PDE4D: variants seen among roughly 807,000 people sequenced by gnomAD.
PDE4D encodes phosphodiesterase 4D.
Under a neutral mutation model 87.4 loss-of-function variants are expected in PDE4D, and 24 were observed. The ratio of observed to expected loss-of-function variants is 0.27; its 90% confidence interval spans 0.20 to 0.39. PDE4D has a LOEUF of 0.39. PDE4D is among the 10% of genes least tolerant of loss of function. The pLI is 1.00. For synonymous variants in PDE4D, 384 were observed against 383.2 expected (o/e 1.00, Z -0.02); for missense variants, 714 against 1,041.0 (o/e 0.69, Z 4.32).
chr5:59,569,876 G>T (rs983205452), intron 1 of PDE4D, among the ~76,000 whole-genome samples: 3 of 152,182 alleles, frequency 2.0e-5, no homozygotes, highest in African/African-American at 7.2e-5. Context: ...AGGTCTGAAT[G>T]ATGCAGGGTC....
intron 1 of PDE4D, chr5:59,529,193 A>C: frequency 2.1e-6 from 1 of 486,154 alleles, no homozygotes; most frequent in Non-Finnish European, 4.1e-6. Flanking sequence ...ACTGACAGGG[A>C]TAGGAAAGAA....
intron 2 of PDE4D, among the ~76,000 whole-genome samples, chr5:59,199,538 A>C (rs1439491063): frequency 3.3e-5 from 5 of 152,210 alleles, no homozygotes; most frequent in Non-Finnish European, 7.3e-5. Flanking sequence ...TATATTTTAA[A>C]GTCCAAGATT....
intron 1 of PDE4D, among the ~76,000 whole-genome samples, chr5:59,393,159 C>A (rs1788580979): frequency 6.6e-6 from 1 of 151,888 alleles, no homozygotes; most frequent in Non-Finnish European, 1.5e-5. Flanking sequence ...ATCAAAAGAC[C>A]TACATATGGA....
At chr5:59,146,562 T>C (rs1049183333) in intron 5 of PDE4D, among the ~76,000 whole-genome samples, 1 of 149,666 alleles carries the variant, frequency 6.7e-6, no homozygotes, top group Non-Finnish European at 1.5e-5. Context: ...GAAATGGAAG[T>C]GGTCTGATTT....
intron 1 of PDE4D, among the ~76,000 whole-genome samples, chr5:59,486,816 A>G (rs1805239149): frequency 6.6e-6 from 1 of 152,218 alleles, no homozygotes; most frequent in African/African-American, 2.4e-5. Flanking sequence ...TGCCCTGTTA[A>G]AGTGACTGAA....
chr5:59,235,972 A>G (rs1756332886), intron 1 of PDE4D, among the ~76,000 whole-genome samples: 3 of 152,216 alleles, frequency 2.0e-5, no homozygotes, highest in Non-Finnish European at 4.4e-5. Flanking sequence ...ATTCTGAAGA[A>G]TATTTCAGAA....
chr5:60,463,667 T>A (rs1343591009), intron 1 of PDE4D, among the ~76,000 whole-genome samples: 1 of 152,232 alleles, frequency 6.6e-6, no homozygotes, highest in Non-Finnish European at 1.5e-5. Context: ...CTGACCAGCA[T>A]GCAGTCATGC....
intron 1 of PDE4D, among the ~76,000 whole-genome samples, chr5:59,734,106 T>A (rs559741150): frequency 2.0e-4 from 30 of 152,216 alleles, no homozygotes; most frequent in Non-Finnish European, 3.8e-4. Context: ...TACAGGGCTA[T>A]AATCCTCAGA....
chr5:59,032,551 C>A (rs1228756232), intron 6 of PDE4D, among the ~76,000 whole-genome samples: 1 of 152,172 alleles, frequency 6.6e-6, no homozygotes, highest in Admixed American at 6.6e-5. Flanking sequence ...TGTACTCCAG[C>A]CTGGCGACAG....
intron 5 of PDE4D, among the ~76,000 whole-genome samples, chr5:59,112,959 C>T (rs1772939350): frequency 6.6e-6 from 1 of 152,068 alleles, no homozygotes; most frequent in Non-Finnish European, 1.5e-5. Flanking sequence ...CACCACCACG[C>T]ATGGCTAATT....
chr5:59,022,757 A>C (rs1755429717), intron 6 of PDE4D, among the ~76,000 whole-genome samples: 1 of 152,214 alleles, frequency 6.6e-6, no homozygotes, highest in Non-Finnish European at 1.5e-5. Context: ...GAGAACAAAA[A>C]AGGCAAAACG....
intron 1 of PDE4D, among the ~76,000 whole-genome samples, chr5:60,443,503 A>C (rs552950340): frequency 1.9e-4 from 29 of 152,272 alleles, no homozygotes; most frequent in African/African-American, 6.0e-4. Context: ...CTTTTTCCCC[A>C]GGGTAGAGAA....
intron 1 of PDE4D, among the ~76,000 whole-genome samples, chr5:60,363,932 C>T (rs984006066): frequency 3.3e-5 from 5 of 152,134 alleles, no homozygotes; most frequent in Non-Finnish European, 7.3e-5. Context: ...AAGATCTTTA[C>T]CTTATGTGGA....
chr5:59,951,828 T>C (rs989596496), intron 3 of PDE4D, among the ~76,000 whole-genome samples: 8 of 152,074 alleles, frequency 5.3e-5, no homozygotes, highest in Admixed American at 4.6e-4. Context: ...TATAAAAATA[T>C]AGAGAAACAA....
At chr5:59,837,071 T>C (rs1465641438) in intron 1 of PDE4D, among the ~76,000 whole-genome samples, 1 of 152,016 alleles carries the variant, frequency 6.6e-6, no homozygotes, top group African/African-American at 2.4e-5. Context: ...CTTCAAAACC[T>C]TTATCGTTTA....
At chr5:60,076,394 G>A (rs1157763581) in intron 2 of PDE4D, among the ~76,000 whole-genome samples, 1 of 152,060 alleles carries the variant, frequency 6.6e-6, no homozygotes. Flanking sequence ...TCTTGACCTC[G>A]TGATCCACCC....
chr5:59,847,814 A>G (rs1744084992), intron 1 of PDE4D, among the ~76,000 whole-genome samples: 1 of 152,114 alleles, frequency 6.6e-6, no homozygotes, highest in Non-Finnish European at 1.5e-5. Context: ...TTATAGAAAA[A>G]TCATGGCAAT....
At chr5:60,514,207 C>T (rs974780408) in intron 1 of PDE4D, among the ~76,000 whole-genome samples, 1 of 151,922 alleles carries the variant, frequency 6.6e-6, no homozygotes, top group African/African-American at 2.4e-5. Flanking sequence ...TCTGAGTAAC[C>T]TTAAGCAAAT....
chr5:59,350,528 C>T (rs960399573), intron 1 of PDE4D, among the ~76,000 whole-genome samples: 12 of 152,128 alleles, frequency 7.9e-5, no homozygotes, highest in Non-Finnish European at 2.9e-5. Flanking sequence ...AGCAGAGTAT[C>T]CTCACACTTG....
Sources: gnomAD v4.1 joint callset for allele counts (sites outside exome capture counted in the v4.1 genomes callset) on GRCh38, gnomAD v4.1.1 for gene constraint, MANE v1.5 for transcripts, NCBI Gene and HGNC (gene_info 2026-07-23, HGNC 2026-07-21) for gene names.